IL4R: variants seen among roughly 807,000 people sequenced by gnomAD.
IL4R encodes the protein interleukin-4 receptor subunit alpha.
In IL4R, 17 loss-of-function variants were observed where a neutral mutation model predicts 41.5. That is an observed-to-expected ratio of 0.41 (90% CI 0.28 to 0.61). The LOEUF is 0.61. Ranked by LOEUF, IL4R falls within the 20% of genes least tolerant of loss-of-function variation. The pLI is 0.31. For synonymous variants in IL4R, 402 were observed against 422.9 expected (o/e 0.95, Z 0.61); for missense variants, 974 against 1,043.1 (o/e 0.93, Z 0.91).
chr16:27,341,828 C>A (rs1382116880), intron 3 of IL4R, among the ~76,000 whole-genome samples: 1 of 152,172 alleles, frequency 6.6e-6, no homozygotes, highest in Non-Finnish European at 1.5e-5. Flanking sequence ...TACATATTTT[C>A]CCTTTAATTT....
intron 4 of IL4R, among the ~76,000 whole-genome samples, chr16:27,344,391 T>C (rs574457221): frequency 1.4e-5 from 2 of 148,090 alleles, no homozygotes; most frequent in African/African-American, 2.5e-5. Flanking sequence ...AAGGAAATTG[T>C]GTGGCCTTTG....
At chr16:27,343,592 A>G (rs1055553682) in intron 4 of IL4R, among the ~76,000 whole-genome samples, 2 of 152,010 alleles carry the variant, frequency 1.3e-5, no homozygotes. Flanking sequence ...ACACCCGGCT[A>G]ATTTTTCGTA....
In IL4R at chr16:27,342,178, C is replaced by T; in HGVS notation, c.128C>T (p.Thr43Ile). The stretch of plus-strand genomic sequence containing the variant: ...GTCTCCGACTACATGAGCATCTCTA[C>T]TTGCGAGTGGAAGATGAATGGTCCC... ...TCVSDYMSIS[T>I]CEWKMNGPTN... Residue 43 changes from threonine to isoleucine, a missense_variant, in exon 4 of 11, where the codon ACT becomes ATT. Thr to Ile is a moderately conservative substitution (Grantham distance 89, BLOSUM62 -1). Transcript: ENST00000395762. 1 of 1,614,250 alleles carries T rather than the reference C, an allele frequency of 6.2e-7. No individual in the cohort carries two copies. Among genetic ancestry groups the T allele is most frequent in the East Asian group, 2.2e-5 (1 of 44,888 alleles).
At chr16:27,340,840 G>A (rs904440342) in intron 3 of IL4R, among the ~76,000 whole-genome samples, 2 of 152,236 alleles carry the variant, frequency 1.3e-5, no homozygotes, top group African/African-American at 2.4e-5. Flanking sequence ...GCCTCATTGA[G>A]CTGACTTGGA....
chr16:27,360,806 C>G lies in IL4R; in HGVS notation c.890C>G (p.Ala297Gly). Residue 297 changes from alanine to glycine, a missense_variant, in exon 10 of 11, where the codon GCC (alanine) becomes GGC (glycine). Around this residue, in one of 3 missense-constraint regions of IL4R, gnomAD observed 682 missense variants for 704.3 expected, o/e 0.97. Coordinates refer to ENST00000395762, the MANE Select transcript of IL4R (RefSeq NM_000418.4). ...AAGCGGTCCCGAGGCCAGGAACCAGCCAAGTGCCCGTATGTATCTGAACTT... is the reference window on the plus strand; with the variant it reads ...AAGCGGTCCCGAGGCCAGGAACCAGGCAAGTGCCCGTATGTATCTGAACTT... ...WEKRSRGQEP[A>G]KCPHWKNCLT... The G allele has an allele frequency of 6.2e-7, 1 of 1,614,156 alleles. No homozygotes were observed. Among genetic ancestry groups the G allele is most frequent in the Non-Finnish European group, 8.5e-7 (1 of 1,180,040 alleles).
chr16:27,326,175 G>A (rs2084951297), intron 1 of IL4R, among the ~76,000 whole-genome samples: 2 of 152,120 alleles, frequency 1.3e-5, no homozygotes, highest in Non-Finnish European at 1.5e-5. Flanking sequence ...CCAAGCAAGA[G>A]AGGTCTTTTT....
rs2085599626 is a variant in IL4R, at chr16:27,345,228, G to GC, written c.361+213dup. 1 of 696,960 alleles carries GC rather than the reference G, an allele frequency of 1.4e-6. No individual in the cohort carries two copies. The highest frequency in any genetic ancestry group is 2.6e-6 in the Non-Finnish European group (1 of 385,060). 43.2% of individuals were successfully genotyped at this position (696,960 alleles called of 1,614,324 possible). A position where few individuals can be genotyped will look rare whatever the true frequency, so the allele number is the denominator to read the frequency against. On this transcript the variant is annotated intron_variant, in intron 5 of 10. Coordinates refer to ENST00000395762, the MANE Select transcript of IL4R (RefSeq NM_000418.4). The surrounding 1 kb of genome is among the most constrained non-coding windows in gnomAD (Gnocchi z 4.5). ...GGAGCTGGTCGCAGTAGACCACCAA[G>GC]CCCCCTTCAGCCCAGCTGTTTCCAC...
intron 6 of IL4R, among the ~76,000 whole-genome samples, chr16:27,351,664 G>A (rs55982820): frequency 2.0e-5 from 3 of 151,938 alleles, no homozygotes; most frequent in Non-Finnish European, 4.4e-5. Context: ...ACAGGTGCCC[G>A]CCACCACACC....
intron 9 of IL4R, 29 bp downstream of exon 9, chr16:27,359,023 G>T: frequency 3.9e-6 from 6 of 1,540,736 alleles, no homozygotes; most frequent in South Asian, 1.1e-5. Context: ...GAGGACATGT[G>T]GGACTGTGTA....
intron 6 of IL4R, among the ~76,000 whole-genome samples, chr16:27,349,565 T>C (rs1227327313): frequency 6.6e-6 from 1 of 152,094 alleles, no homozygotes; most frequent in Non-Finnish European, 1.5e-5. Context: ...ATTCATGGAA[T>C]GTTTGAGGAT....
intron 6 of IL4R, among the ~76,000 whole-genome samples, chr16:27,351,525 TTTTTC>T (rs1169802444): frequency 3.4e-4 from 41 of 120,968 alleles, no homozygotes; most frequent in African/African-American, 1.0e-3. Context: ...TTTTTTTTTT[TTTTTC>T]CGAGACGAAG....
chr16:27,337,883 T>C (rs1236035673), intron 2 of IL4R, among the ~76,000 whole-genome samples: 1 of 151,540 alleles, frequency 6.6e-6, no homozygotes, highest in Non-Finnish European at 1.5e-5. Context: ...GTATTTGACG[T>C]TATGTACCAG....
intron 8 of IL4R, 52 bp downstream of exon 8, chr16:27,355,959 C>G: frequency 7.8e-7 from 1 of 1,282,182 alleles, no homozygotes; most frequent in South Asian, 1.2e-5. Flanking sequence ...TGCAGGGTGG[C>G]AGGGACTTGC....
At chr16:27,339,871 A>T (rs1220823632) in intron 2 of IL4R, among the ~76,000 whole-genome samples, 2 of 150,912 alleles carry the variant, frequency 1.3e-5, no homozygotes, top group Non-Finnish European at 3.0e-5. Flanking sequence ...AGCCTGGCCA[A>T]CATGGTGAAA....
chr16:27,317,530 C>T (rs1425684540), intron 1 of IL4R, among the ~76,000 whole-genome samples: 1 of 152,194 alleles, frequency 6.6e-6, no homozygotes, highest in Non-Finnish European at 1.5e-5. Flanking sequence ...CAGACCTGCC[C>T]TTGGTGAATG....
At position 27,363,619 on chromosome 16, in the gene IL4R, C is replaced by T; in HGVS notation, c.2267C>T (p.Thr756Ile). Residue 756 changes from threonine to isoleucine, a missense_variant, in exon 11 of 11, where the codon ACA becomes ATA. Physicochemically the swap from Thr to Ile is moderately conservative, Grantham distance 89. Around this residue, in one of 3 missense-constraint regions of IL4R, gnomAD observed 682 missense variants for 704.3 expected, o/e 0.97. Coordinates refer to ENST00000395762, the MANE Select transcript of IL4R (RefSeq NM_000418.4). ...CCCGDRSSPP[T>I]TPLRAPDPSP... Reference sequence around the variant, plus strand: ...TGTGGAGACAGGTCCTCGCCCCCTACAACCCCCCTGAGGGCCCCAGACCCC... The same window carrying T: ...TGTGGAGACAGGTCCTCGCCCCCTATAACCCCCCTGAGGGCCCCAGACCCC... The T allele has an allele frequency of 6.2e-7, 1 of 1,613,796 alleles. No individual in the cohort carries two copies. Among genetic ancestry groups the T allele is most frequent in the Non-Finnish European group, 8.5e-7 (1 of 1,179,886 alleles).
intron 8 of IL4R, among the ~76,000 whole-genome samples, chr16:27,357,739 G>A (rs2086131277): frequency 6.6e-6 from 1 of 152,098 alleles, no homozygotes; most frequent in South Asian, 2.1e-4. Context: ...GCTGGGTACA[G>A]GCATGAGCCA....
chr16:27,334,940 A>T (rs904237335), intron 2 of IL4R, among the ~76,000 whole-genome samples: 1 of 152,048 alleles, frequency 6.6e-6, no homozygotes, highest in Non-Finnish European at 1.5e-5. Flanking sequence ...GATACTGGGG[A>T]CTCGGCAGTG....
In IL4R at chr16:27,345,049, G is replaced by T. The variant is rs55832501; in HGVS notation, c.361+29G>T. On this transcript the variant is annotated intron_variant, in intron 5 of 10. Transcript: ENST00000395762. This position sits in a 1 kb window ranked among gnomAD's most constrained non-coding sequence, Gnocchi z 4.5. ...AGCAGGGCGGAGTGCGGCAGGGGTG[G>T]CTGGGTGTGTTCCCACAGCTGCCTG... The T allele has an allele frequency of 1.0e-4, 161 of 1,600,470 alleles. No homozygotes were observed. Among genetic ancestry groups the T allele is most frequent in the Admixed American group, 2.3e-4 (14 of 59,702 alleles).
Sources: allele counts gnomAD v4.1 joint callset (sites outside exome capture counted in the v4.1 genomes callset), GRCh38; gene constraint gnomAD v4.1.1; regional missense constraint gnomAD v4.1.1; non-coding constraint Gnocchi (gnomAD v3.1); transcripts MANE v1.5; gene names NCBI Gene and HGNC (gene_info 2026-07-23, HGNC 2026-07-21).